Variants in TRPM3 observed in about 807,000 individuals in gnomAD.
TRPM3 encodes long transient receptor potential channel 3.
TRPM3 carries 77 observed loss-of-function variants against 181.2 expected under a neutral mutation model. The ratio of observed to expected loss-of-function variants is 0.42; its 90% CI spans 0.35 to 0.51. TRPM3 has a LOEUF of 0.51. Among genes scored for constraint, TRPM3 ranks in the 20% least tolerant of loss-of-function variants. TRPM3 has a pLI of 0.01. For synonymous variants in TRPM3, 745 were observed against 796.4 expected, an observed-to-expected ratio of 0.94 and a Z score of 1.09; for missense variants, 1,759 against 2,196.7, an observed-to-expected ratio of 0.80 and a Z score of 3.98.
upstream of TRPM3, chr9:71,446,848 T>G: frequency 1.3e-6 from 2 of 1,531,098 alleles, no homozygotes; most frequent in Non-Finnish European, 1.8e-6. Flanking sequence ...GAAGTTCGCC[T>G]CCCTCGGCCG....
intron 1 of TRPM3, among the ~76,000 whole-genome samples, chr9:71,179,559 T>C (rs1007425499): frequency 1.3e-5 from 2 of 152,286 alleles, no homozygotes; most frequent in African/African-American, 4.8e-5. Flanking sequence ...TAGATAATTC[T>C]GAACAAATTA....
rs547915655 is a variant in TRPM3 at position 70,641,422 on chromosome 9, A to G, written c.1346-762T>C. Among the ~76,000 whole-genome samples the G allele has an allele frequency of 3.8e-4, 58 of 152,302 alleles. No homozygotes were observed. The South Asian group carries it at 0.012, about 31-fold the overall frequency. Reference sequence around the variant, plus strand: ...GGAGGGTGCTCTCATCAACTAGCGTACCAACTTGCCACTTTTCTGAAAAAG... The same window carrying G: ...GGAGGGTGCTCTCATCAACTAGCGTGCCAACTTGCCACTTTTCTGAAAAAG... On this transcript the variant is annotated intron_variant, in intron 9 of 25. Transcript: ENST00000677713.
intron 1 of TRPM3, among the ~76,000 whole-genome samples, chr9:71,130,155 C>T (rs191557720): frequency 1.5e-3 from 223 of 152,240 alleles, no homozygotes; most frequent in African/African-American, 5.1e-3. Context: ...ATTAAATACT[C>T]AACCAAGTTT....
chr9:70,547,155 T>A (rs1170240711), intron 25 of TRPM3, among the ~76,000 whole-genome samples: 5 of 152,178 alleles, frequency 3.3e-5, no homozygotes, highest in Non-Finnish European at 7.3e-5. Context: ...TCTCTTAATG[T>A]TGTTGATTTC....
chr9:71,291,638 C>T (rs2085821081), intron 1 of TRPM3, among the ~76,000 whole-genome samples: 1 of 151,868 alleles, frequency 6.6e-6, no homozygotes, highest in African/African-American at 2.4e-5. Context: ...ATTTAATTTA[C>T]CAAGAATATG....
intron 1 of TRPM3, among the ~76,000 whole-genome samples, chr9:70,925,201 C>T (rs1212717859): frequency 6.6e-6 from 1 of 152,094 alleles, no homozygotes; most frequent in Non-Finnish European, 1.5e-5. Context: ...TTGATTTGAG[C>T]CAGGTTGCTT....
chr9:71,016,940 A>G (rs756917825), intron 1 of TRPM3, among the ~76,000 whole-genome samples: 1 of 152,154 alleles, frequency 6.6e-6, no homozygotes. Context: ...TAGACATCTA[A>G]TATGTAGAAA....
intron 1 of TRPM3, among the ~76,000 whole-genome samples, chr9:71,368,029 TATGAGTATGTGTACACACACACAC>T (rs2092396200): frequency 6.6e-6 from 1 of 151,978 alleles, no homozygotes; most frequent in Non-Finnish European, 1.5e-5. Flanking sequence ...CACACACACA[TATGAGTATGTGTACACACACACAC>T]ATGAGGTTCA....
At chr9:70,667,366 C>T (rs571751577) in intron 9 of TRPM3, among the ~76,000 whole-genome samples, 27 of 152,230 alleles carry the variant, frequency 1.8e-4, no homozygotes, top group African/African-American at 6.0e-4. Context: ...CAGTCTTTTG[C>T]CTGGAGGATA....
chr9:70,876,980 T>C (rs1329880673), intron 1 of TRPM3, among the ~76,000 whole-genome samples: 3 of 152,082 alleles, frequency 2.0e-5, no homozygotes, highest in African/African-American at 7.2e-5. Context: ...TACATTATTA[T>C]TAACTAAAAT....
chr9:70,944,719 T>C (rs1274263304), intron 1 of TRPM3, among the ~76,000 whole-genome samples: 2 of 152,180 alleles, frequency 1.3e-5, no homozygotes, highest in African/African-American at 4.8e-5. Context: ...CAAATTTCCC[T>C]TCAGTTTTTC....
intron 1 of TRPM3, among the ~76,000 whole-genome samples, chr9:70,873,768 T>C (rs2095829304): frequency 6.6e-6 from 1 of 152,006 alleles, no homozygotes; most frequent in Non-Finnish European, 1.5e-5. Flanking sequence ...AATACTTATT[T>C]TCTTTCCAAC....
chr9:70,764,739 C>A (rs1158621691), intron 7 of TRPM3, among the ~76,000 whole-genome samples: 1 of 152,098 alleles, frequency 6.6e-6, no homozygotes, highest in Non-Finnish European at 1.5e-5. Flanking sequence ...GTGATTTGAT[C>A]CATTCAAAGC....
At chr9:70,998,261 A>G (rs1430451136) in intron 1 of TRPM3, among the ~76,000 whole-genome samples, 2 of 131,938 alleles carry the variant, frequency 1.5e-5, no homozygotes, top group Non-Finnish European at 3.4e-5. Flanking sequence ...ATATATATAT[A>G]TATATTTTTT....
chr9:70,847,405 G>A (rs2095017086), intron 3 of TRPM3, among the ~76,000 whole-genome samples: 1 of 152,178 alleles, frequency 6.6e-6, no homozygotes, highest in Non-Finnish European at 1.5e-5. Context: ...TTTGAAATAG[G>A]TTTCTGAGTT....
At chr9:70,674,372 T>C (rs965587534) in intron 9 of TRPM3, among the ~76,000 whole-genome samples, 1 of 152,200 alleles carries the variant, frequency 6.6e-6, no homozygotes, top group African/African-American at 2.4e-5. Flanking sequence ...TAGGTTTTAC[T>C]AAGTTACTAG....
At chr9:70,633,454 T>G (rs938485892) in intron 12 of TRPM3, among the ~76,000 whole-genome samples, 4 of 152,180 alleles carry the variant, frequency 2.6e-5, no homozygotes, top group Non-Finnish European at 5.9e-5. Flanking sequence ...GGAAAGTGGT[T>G]GTTGAGTTGG....
rs181388504 is a variant in TRPM3 at position 71,240,527 on chromosome 9, A to G, written c.183+206126T>C. Among the ~76,000 whole-genome samples the G allele has an allele frequency of 2.3e-3, 357 of 152,312 alleles. 3 individuals are homozygous for G. The highest frequency in any genetic ancestry group is 8.2e-3 in the African/African-American group (343 of 41,578). The stretch of plus-strand genomic sequence containing the variant: ...ATAGCTTTGCTCATTAGTTTGATAT[A>G]TTTTATCCAAGTCTATATTAACTCT... On this transcript the variant is annotated intron_variant, in intron 1 of 24. Coordinates refer to the TRPM3 transcript ENST00000357533.
At chr9:71,186,356 A>G (rs1317009290) in intron 1 of TRPM3, among the ~76,000 whole-genome samples, 1 of 152,220 alleles carries the variant, frequency 6.6e-6, no homozygotes, top group African/African-American at 2.4e-5. Context: ...AATGCATTTA[A>G]ACTATCTGCC....
Sources: gnomAD v4.1 joint callset for allele counts (sites outside exome capture counted in the v4.1 genomes callset) on GRCh38, gnomAD v4.1.1 for gene constraint, MANE v1.5 for transcripts, NCBI Gene and HGNC (gene_info 2026-07-23, HGNC 2026-07-21) for gene names.